DNAH5: variants seen among roughly 807,000 people sequenced by gnomAD.
DNAH5 encodes the protein dynein axonemal heavy chain 5, also known as axonemal beta dynein heavy chain 5.
Under a neutral mutation model 518.2 loss-of-function variants are expected in DNAH5, and 372 were observed. That is an observed-to-expected ratio of 0.72 (90% CI 0.66 to 0.78). The LOEUF (loss-of-function observed/expected upper bound fraction) is 0.78, where lower values mean the gene tolerates loss of function less well. DNAH5 is among the 30% of genes least tolerant of loss of function. DNAH5 has a pLI of 0.00. For missense variants in DNAH5, 5,523 were observed against 5,687.0 expected (o/e 0.97, Z 0.93); for synonymous variants, 2,039 against 2,025.9 (o/e 1.01, Z -0.17).
chr5:13,896,200 G>A (rs1299939641), intron 15 of DNAH5, among the ~76,000 whole-genome samples: 1 of 151,940 alleles, frequency 6.6e-6, no homozygotes, highest in Non-Finnish European at 1.5e-5. Context: ...TGCTCACATG[G>A]TTACATAGCC....
intron 52 of DNAH5, among the ~76,000 whole-genome samples, chr5:13,784,591 GT>G (rs1755681145): frequency 6.6e-6 from 1 of 152,120 alleles, no homozygotes; most frequent in Non-Finnish European, 1.5e-5. Flanking sequence ...CAGAGGAATG[GT>G]TGACTAGATA....
intron 12 of DNAH5, among the ~76,000 whole-genome samples, chr5:13,909,540 T>A (rs1298863734): frequency 2.6e-5 from 4 of 152,030 alleles, no homozygotes; most frequent in Non-Finnish European, 5.9e-5. Flanking sequence ...AGTATCAGAT[T>A]ATCTTTCCCT....
At chr5:13,949,286 C>T (rs373959043), upstream of DNAH5, among the ~76,000 whole-genome samples, 2 of 152,178 alleles carry the variant, frequency 1.3e-5, no homozygotes, top group African/African-American at 4.8e-5. Context: ...AGACAATAAA[C>T]ATCCAGTATC....
intron 1 of DNAH5, among the ~76,000 whole-genome samples, chr5:13,983,629 G>A (rs996013626): frequency 6.6e-6 from 1 of 152,164 alleles, no homozygotes; most frequent in African/African-American, 2.4e-5. Flanking sequence ...CTGGGGTCCT[G>A]GACCATGCTT....
chr5:13,740,149 G>C (rs1748233066), intron 65 of DNAH5, among the ~76,000 whole-genome samples: 1 of 152,008 alleles, frequency 6.6e-6, no homozygotes, highest in African/African-American at 2.4e-5. Context: ...TCATTGGCAA[G>C]TTCTATGACC....
At chr5:13,893,223 AAG>A (rs982565174) in intron 16 of DNAH5, among the ~76,000 whole-genome samples, 14 of 152,290 alleles carry the variant, frequency 9.2e-5, no homozygotes, top group Admixed American at 2.0e-4. Context: ...ATTCCAGAAC[AAG>A]AGAGAGACCT....
intron 12 of DNAH5, among the ~76,000 whole-genome samples, chr5:13,905,111 C>T (rs1445228890): frequency 6.6e-6 from 1 of 152,196 alleles, no homozygotes. Context: ...ATTTCTTTGG[C>T]AGATATGCCA....
At position 13,773,919 on chromosome 5, in the gene DNAH5, G is replaced by GA. The variant is rs1753706581; in HGVS notation, c.9373+2519_9373+2520insT. On this transcript the variant is annotated intron_variant, in intron 55 of 78. Coordinates refer to ENST00000265104, the MANE Select transcript of DNAH5 (RefSeq NM_001369.3). ...GAGCATTGCATGGAACACAACTGGGGGAAAAAAAAAAGAGCATATTCAAGG... is the reference window on the plus strand; with the variant it reads ...GAGCATTGCATGGAACACAACTGGGGAGAAAAAAAAAAGAGCATATTCAAGG... 2.7e-3 allele frequency among the ~76,000 whole-genome samples: 403 copies of GA among 148,556 alleles called. 1 individual carries two copies. The highest frequency in any genetic ancestry group is 8.5e-3 in the African/African-American group (345 of 40,356).
intron 1 of DNAH5, among the ~76,000 whole-genome samples, chr5:14,003,599 C>T (rs546054521): frequency 1.3e-5 from 2 of 152,328 alleles, no homozygotes; most frequent in South Asian, 4.1e-4. Flanking sequence ...ACATGCTCAT[C>T]CTTCAGTGTG....
At chr5:13,830,888 C>T in intron 35 of DNAH5, 113 bp from the exon 36 acceptor site, 2 of 983,416 alleles carry the variant, frequency 2.0e-6, no homozygotes, top group Admixed American at 3.9e-5. Flanking sequence ...GCCATTGTCC[C>T]TACCTAACAT....
At chr5:13,892,053 C>A (rs1466737717) in intron 16 of DNAH5, among the ~76,000 whole-genome samples, 1 of 152,168 alleles carries the variant, frequency 6.6e-6, no homozygotes, top group African/African-American at 2.4e-5. Flanking sequence ...GAGATGTAAA[C>A]ACCTCCTTAA....
chr5:13,847,242 A>G (rs914366001), intron 31 of DNAH5, among the ~76,000 whole-genome samples: 1 of 152,130 alleles, frequency 6.6e-6, no homozygotes, highest in Non-Finnish European at 1.5e-5. Context: ...TCAAATGTCT[A>G]TACAAGGCTT....
intron 50 of DNAH5, 21 bp downstream of exon 50, chr5:13,791,973 T>C: frequency 1.3e-6 from 2 of 1,584,304 alleles, no homozygotes; most frequent in Non-Finnish European, 1.7e-6. Context: ...TATTTGTTTT[T>C]CTTTCTTCAG....
At position 13,916,338 on chromosome 5, in the gene DNAH5, A is replaced by G. The variant is rs1177454827; in HGVS notation, c.1197+10T>C. On this transcript the variant is annotated intron_variant, in intron 9 of 78. Coordinates refer to ENST00000265104, the MANE Select transcript of DNAH5 (RefSeq NM_001369.3). ...TACAAATGAACATGGACTCTACATCATGCACTTACCTTTACAAACAGAGAT... is the reference window on the plus strand; with the variant it reads ...TACAAATGAACATGGACTCTACATCGTGCACTTACCTTTACAAACAGAGAT... 2.2e-6 allele frequency: 3 copies of G among 1,355,482 alleles called. No homozygotes were observed. The highest frequency in any genetic ancestry group is 2.3e-5 in the South Asian group (2 of 85,702). The allele number at this position is 1,355,482 out of a possible 1,614,324, so 84.0% of individuals were successfully genotyped here.
chr5:13,691,920 T>A lies in DNAH5; in HGVS notation c.*64A>T, dbSNP rs1464260811. ...ACACTGTCCAGCAGTCATACAGAAA[T>A]AAAGGTTACAATAATTTAGATCTTG... On this transcript the variant is annotated 3_prime_UTR_variant, in exon 79 of 79. Transcript: ENST00000265104. The A allele has an allele frequency of 3.7e-6, 6 of 1,602,168 alleles. No individual in the cohort carries two copies. The East Asian group carries it at 1.3e-4, about 36-fold the overall frequency.
chr5:13,851,652 A>C (rs962981438), intron 30 of DNAH5, among the ~76,000 whole-genome samples: 1 of 152,080 alleles, frequency 6.6e-6, no homozygotes, highest in Non-Finnish European at 1.5e-5. Context: ...GTATGTCACC[A>C]ATGAGTATAT....
intron 70 of DNAH5, among the ~76,000 whole-genome samples, chr5:13,724,760 C>T (rs1035455726): frequency 5.9e-5 from 9 of 152,116 alleles, no homozygotes; most frequent in African/African-American, 1.9e-4. Context: ...TAAAAGTATG[C>T]AGCATCTCCC....
At chr5:13,970,317 T>G (rs1781783958) in intron 1 of DNAH5, among the ~76,000 whole-genome samples, 1 of 152,186 alleles carries the variant, frequency 6.6e-6, no homozygotes, top group South Asian at 2.1e-4. Flanking sequence ...GTACTACTAT[T>G]CTATTCATCT....
chr5:13,894,169 A>G (rs1050737564), intron 16 of DNAH5, among the ~76,000 whole-genome samples: 2 of 152,196 alleles, frequency 1.3e-5, no homozygotes, highest in Non-Finnish European at 2.9e-5. Flanking sequence ...TCTTTGCAAC[A>G]TACCCGTACA....
Sources: gnomAD v4.1 joint callset for allele counts (sites outside exome capture counted in the v4.1 genomes callset) on GRCh38, gnomAD v4.1.1 for gene constraint, MANE v1.5 for transcripts, NCBI Gene and HGNC (gene_info 2026-07-23, HGNC 2026-07-21) for gene names.